Variants in NRXN1 observed in about 807,000 individuals in gnomAD.
The protein encoded by NRXN1 is neurexin-1.
In NRXN1, 39 loss-of-function variants were observed where a neutral mutation model predicts 150.9. That is an observed-to-expected ratio of 0.26 (90% CI 0.20 to 0.34). The LOEUF (loss-of-function observed/expected upper bound fraction) is 0.34. Among genes scored for constraint, NRXN1 ranks in the 10% least tolerant of loss-of-function variants. NRXN1 has a pLI of 1.00. For missense variants in NRXN1, 1,815 were observed against 1,949.9 expected, an observed-to-expected ratio of 0.93 and a Z score of 1.30; for synonymous variants, 924 against 757.0, an observed-to-expected ratio of 1.22 and a Z score of -3.62.
intron 18 of NRXN1, among the ~76,000 whole-genome samples, chr2:50,235,817 G>A (rs907679982): frequency 2.6e-5 from 4 of 152,000 alleles, no homozygotes; most frequent in African/African-American, 9.7e-5. Context: ...AAAAGAGGAT[G>A]GGGAGACTTA....
At chr2:50,610,291 T>C (rs2104064927) in intron 8 of NRXN1, among the ~76,000 whole-genome samples, 1 of 152,198 alleles carries the variant, frequency 6.6e-6, no homozygotes. Context: ...ATGTGTTTTC[T>C]GATCCTTCAT....
At chr2:50,118,452 T>TC (rs966919394) in intron 18 of NRXN1, among the ~76,000 whole-genome samples, 1 of 137,218 alleles carries the variant, frequency 7.3e-6, no homozygotes, top group Non-Finnish European at 1.6e-5. Context: ...ATAAGTGTTT[T>TC]CTTTTTTTTT....
At chr2:50,797,695 G>A (rs1707034267) in intron 5 of NRXN1, among the ~76,000 whole-genome samples, 1 of 152,100 alleles carries the variant, frequency 6.6e-6, no homozygotes, top group Admixed American at 6.6e-5. Context: ...GGAAAGGACC[G>A]AATGATGTAA....
intron 5 of NRXN1, chr2:50,829,598 G>C (rs930108786): frequency 3.1e-6 from 5 of 1,612,008 alleles, no homozygotes; most frequent in African/African-American, 2.7e-5. Flanking sequence ...CTGTGCTGGA[G>C]AGCCTTGAAT....
intron 5 of NRXN1, among the ~76,000 whole-genome samples, chr2:50,771,331 T>TA (rs767501904): frequency 1.7e-4 from 26 of 151,084 alleles, no homozygotes; most frequent in Non-Finnish European, 2.4e-4. Context: ...GAACTTACAA[T>TA]AAAAAAAAAT....
chr2:50,290,746 G>A (rs2072815566), intron 17 of NRXN1, among the ~76,000 whole-genome samples: 1 of 152,064 alleles, frequency 6.6e-6, no homozygotes, highest in South Asian at 2.1e-4. Flanking sequence ...ACATAGAAAT[G>A]GAATTTGGTT....
At chr2:50,322,352 T>C (rs1476166542) in intron 17 of NRXN1, among the ~76,000 whole-genome samples, 2 of 152,182 alleles carry the variant, frequency 1.3e-5, no homozygotes, top group African/African-American at 4.8e-5. Context: ...TGGTTGCATT[T>C]AATAATCTGA....
At chr2:50,137,264 G>C (rs963544964) in intron 18 of NRXN1, among the ~76,000 whole-genome samples, 1 of 152,074 alleles carries the variant, frequency 6.6e-6, no homozygotes, top group African/African-American at 2.4e-5. Context: ...GCTGAACCCT[G>C]ATATATACAA....
intron 2 of NRXN1, among the ~76,000 whole-genome samples, chr2:50,951,963 ATTT>A (rs1295565122): frequency 1.1e-4 from 8 of 74,812 alleles, no homozygotes; most frequent in African/African-American, 4.5e-4. Context: ...ATATATATAT[ATTT>A]TTTTTTTTTT....
chr2:50,425,941 A>T (rs1403146952), intron 17 of NRXN1, among the ~76,000 whole-genome samples: 1 of 152,240 alleles, frequency 6.6e-6, no homozygotes, highest in Admixed American at 6.5e-5. Context: ...CACACTGGGC[A>T]TGCCAAATTG....
chr2:50,015,544 A>G lies in NRXN1; in HGVS notation c.4128+37727T>C, dbSNP rs983995063. On this transcript the variant is annotated intron_variant, in intron 21 of 22. Transcript: ENST00000401669. ...AAAAAAAAAAAAAAAAAAAAAAAAA[A>G]GACCTGGGCTTGGGAGGAGGCAGCC... Among the ~76,000 whole-genome samples the G allele has an allele frequency of 4.2e-3, 542 of 129,278 alleles. 2 individuals are homozygous for G. The highest frequency in any genetic ancestry group is 0.015 in the African/African-American group (498 of 33,636). The allele number at this position is 129,278 out of a possible 152,430, so 84.8% of individuals were successfully genotyped here. A position where few individuals can be genotyped will look rare whatever the true frequency, so the allele number is the denominator to read the frequency against.
intron 5 of NRXN1, among the ~76,000 whole-genome samples, chr2:50,883,892 G>A (rs914056047): frequency 6.6e-6 from 1 of 151,772 alleles, no homozygotes; most frequent in African/African-American, 2.4e-5. Context: ...GTTAAAGTCA[G>A]AATGTTGATT....
chr2:50,528,355 A>G (rs1384205284), intron 12 of NRXN1, among the ~76,000 whole-genome samples: 1 of 152,166 alleles, frequency 6.6e-6, no homozygotes, highest in African/African-American at 2.4e-5. Flanking sequence ...CACTTGCAGT[A>G]TCTAAATGTC....
chr2:50,319,224 T>A (rs887476675), intron 17 of NRXN1, among the ~76,000 whole-genome samples: 4 of 152,184 alleles, frequency 2.6e-5, no homozygotes, highest in African/African-American at 9.6e-5. Context: ...ATTATTTTAG[T>A]TTGTACTTCA....
intron 18 of NRXN1, among the ~76,000 whole-genome samples, chr2:50,227,743 G>C (rs1006718696): frequency 2.0e-5 from 3 of 151,880 alleles, no homozygotes; most frequent in African/African-American, 4.8e-5. Context: ...TTCAAGAAGA[G>C]GTCATTAAAC....
At chr2:50,399,673 G>C (rs2082269005) in intron 17 of NRXN1, among the ~76,000 whole-genome samples, 1 of 151,346 alleles carries the variant, frequency 6.6e-6, no homozygotes, top group South Asian at 2.1e-4. Context: ...TCACCACTAA[G>C]TCATGTTGTC....
At chr2:50,649,194 G>C (rs1338663180) in intron 5 of NRXN1, among the ~76,000 whole-genome samples, 1 of 118,164 alleles carries the variant, frequency 8.5e-6, no homozygotes, top group Admixed American at 9.0e-5. Context: ...TATTAGTTGG[G>C]AGGTTCTTCT....
chr2:50,145,826 AT>A (rs958646737), intron 18 of NRXN1, among the ~76,000 whole-genome samples: 5 of 151,444 alleles, frequency 3.3e-5, no homozygotes, highest in African/African-American at 1.2e-4. Flanking sequence ...AGGGCAGATG[AT>A]TTTTTTTGCA....
At chr2:50,778,570 A>G (rs1392740452) in intron 5 of NRXN1, among the ~76,000 whole-genome samples, 1 of 152,210 alleles carries the variant, frequency 6.6e-6, no homozygotes, top group African/African-American at 2.4e-5. Flanking sequence ...AGGTGGCAGG[A>G]TCCTTAAAAG....
Sources: allele counts gnomAD v4.1 joint callset (sites outside exome capture counted in the v4.1 genomes callset), GRCh38; gene constraint gnomAD v4.1.1; transcripts MANE v1.5; gene names NCBI Gene and HGNC (gene_info 2026-07-23, HGNC 2026-07-21).